CRLF3: variants seen among roughly 807,000 people sequenced by gnomAD.
The protein encoded by CRLF3 is cytokine receptor-like factor 3.
Under a neutral mutation model 55.0 loss-of-function variants are expected in CRLF3, and 33 were observed. The ratio of observed to expected loss-of-function variants is 0.60; its 90% CI spans 0.46 to 0.80. The LOEUF (loss-of-function observed/expected upper bound fraction) is 0.80. Among genes scored for constraint, CRLF3 ranks in the 30% least tolerant of loss-of-function variants. CRLF3 has a pLI of 0.00. For synonymous variants in CRLF3, 238 were observed against 196.8 expected (o/e 1.21, Z -1.75); for missense variants, 494 against 538.4 (o/e 0.92, Z 0.82).
chr17:30,797,482 T>G, intron 2 of CRLF3, 84 bp from the exon 3 acceptor site: 4 of 1,111,976 alleles, frequency 3.6e-6, no homozygotes, highest in Non-Finnish European at 5.4e-6. Flanking sequence ...GGTGGGTCTC[T>G]AGCGTTCTTG....
chr17:30,802,703 G>T (rs549060315), intron 2 of CRLF3, among the ~76,000 whole-genome samples: 2 of 151,932 alleles, frequency 1.3e-5, no homozygotes, highest in African/African-American at 4.8e-5. Context: ...GATTACAGGC[G>T]TGAGCCACCA....
At chr17:30,805,643 G>A (rs545630323) in intron 1 of CRLF3, among the ~76,000 whole-genome samples, 83 of 151,732 alleles carry the variant, frequency 5.5e-4, no homozygotes, top group African/African-American at 1.8e-3. Flanking sequence ...GAACCCGGGA[G>A]GCGAAGGTTC....
Position 30,786,022 on chromosome 17 carries a change from A to G in CRLF3, c.969T>C (p.Thr323=). Residue 323 remains threonine (T), a synonymous_variant, in exon 7 of 8, where the codon ACT becomes ACC. Transcript: ENST00000324238. ...CGQTLTFRVE[T]VGQPDRRDSI... Reference sequence around the variant, plus strand: ...TATCTCTTCTGTCTGGCTGTCCCACAGTTTCAACTCTGTAAATGAAGTAGA... The same window carrying G: ...TATCTCTTCTGTCTGGCTGTCCCACGGTTTCAACTCTGTAAATGAAGTAGA... 4.4e-6 allele frequency: 7 copies of G among 1,588,902 alleles called. No homozygotes were observed. The highest frequency in any genetic ancestry group is 6.0e-6 in the Non-Finnish European group (7 of 1,158,204).
At chr17:30,807,781 C>T (rs970832461) in intron 1 of CRLF3, among the ~76,000 whole-genome samples, 1 of 152,086 alleles carries the variant, frequency 6.6e-6, no homozygotes, top group South Asian at 2.1e-4. Flanking sequence ...ACCTTAGCCT[C>T]CCAAAGTGCT....
intron 2 of CRLF3, chr17:30,801,315 T>TG (rs936716354): frequency 1.3e-5 from 2 of 151,194 alleles, no homozygotes; most frequent in African/African-American, 2.4e-5. Flanking sequence ...TTTTTTGAGA[T>TG]GGGGTCTCAT....
At chr17:30,787,846 C>A (rs139291494) in intron 6 of CRLF3, 1 of 151,910 alleles carries the variant, frequency 6.6e-6, no homozygotes, top group African/African-American at 2.4e-5. Context: ...ACAAAAAATA[C>A]AAAAATTAGC....
intron 1 of CRLF3, among the ~76,000 whole-genome samples, chr17:30,810,715 C>T (rs1904586327): frequency 6.6e-6 from 1 of 152,122 alleles, no homozygotes; most frequent in South Asian, 2.1e-4. Flanking sequence ...AATACTAAGC[C>T]ACCCAAAAGC....
chr17:30,812,108 TAA>T (rs1022819445), intron 1 of CRLF3, among the ~76,000 whole-genome samples: 1 of 146,450 alleles, frequency 6.8e-6, no homozygotes. Flanking sequence ...AGACTCCGTC[TAA>T]AAAAAAAATA....
At chr17:30,799,537 T>C (rs1971973191) in intron 2 of CRLF3, among the ~76,000 whole-genome samples, 1 of 151,952 alleles carries the variant, frequency 6.6e-6, no homozygotes, top group Non-Finnish European at 1.5e-5. Context: ...ATTTATCTTT[T>C]TTTTTTTTTG....
chr17:30,787,825 A>ACC (rs1971683674), intron 6 of CRLF3: 1 of 151,710 alleles, frequency 6.6e-6, no homozygotes, highest in Non-Finnish European at 1.5e-5. Flanking sequence ...ACATGGTGAA[A>ACC]CCCCGTATCT....
At chr17:30,785,826 C>T (rs1382461278) in intron 7 of CRLF3, 93 bp downstream of exon 7, 5 of 625,322 alleles carry the variant, frequency 8.0e-6, no homozygotes, top group Non-Finnish European at 1.4e-5. Context: ...ATTTTCTCAT[C>T]TCCTACTATA....
At chr17:30,822,509 G>A (rs531186384) in intron 1 of CRLF3, among the ~76,000 whole-genome samples, 1 of 152,298 alleles carries the variant, frequency 6.6e-6, no homozygotes. Context: ...AATTGTGATC[G>A]ATGTTCATTT....
intron 1 of CRLF3, among the ~76,000 whole-genome samples, chr17:30,808,275 A>ATTTTTT (rs1465392242): frequency 9.7e-6 from 1 of 103,432 alleles, no homozygotes; most frequent in African/African-American, 3.8e-5. Flanking sequence ...CCTAGAACCT[A>ATTTTTT]TATTTTTTTT....
intron 1 of CRLF3, among the ~76,000 whole-genome samples, chr17:30,809,228 T>A (rs1021140343): frequency 6.6e-6 from 1 of 152,182 alleles, no homozygotes; most frequent in African/African-American, 2.4e-5. Context: ...AAAATGAGAC[T>A]CAATTTCCAA....
intron 6 of CRLF3, among the ~76,000 whole-genome samples, chr17:30,788,387 C>T (rs888497351): frequency 7.6e-5 from 11 of 144,910 alleles, no homozygotes; most frequent in Non-Finnish European, 1.7e-4. Flanking sequence ...ATCAGAAAAT[C>T]TTAGAAGCAA....
intron 1 of CRLF3, among the ~76,000 whole-genome samples, chr17:30,818,547 G>C (rs982922341): frequency 2.0e-5 from 3 of 148,692 alleles, no homozygotes; most frequent in Non-Finnish European, 3.0e-5. Context: ...TCCGTCTCCT[G>C]GGTTCAAGCA....
At chr17:30,812,121 A>G (rs1748497092) in intron 1 of CRLF3, among the ~76,000 whole-genome samples, 1 of 152,120 alleles carries the variant, frequency 6.6e-6, no homozygotes, top group Non-Finnish European at 1.5e-5. Context: ...AAAAAAAATA[A>G]AAATAAAAAT....
intron 1 of CRLF3, among the ~76,000 whole-genome samples, chr17:30,816,065 C>T (rs955023190): frequency 6.7e-6 from 1 of 149,968 alleles, no homozygotes; most frequent in Non-Finnish European, 1.5e-5. Flanking sequence ...GGGCAGATCA[C>T]GAGGTCAGGA....
chr17:30,797,454 C>G (rs955636374), intron 2 of CRLF3, 56 bp from the exon 3 acceptor site: 1 of 1,379,782 alleles, frequency 7.2e-7, no homozygotes. Context: ...ATAAAGTAAT[C>G]AACACAACTC....
Sources: allele counts gnomAD v4.1 joint callset (sites outside exome capture counted in the v4.1 genomes callset), GRCh38; gene constraint gnomAD v4.1.1; transcripts MANE v1.5; gene names NCBI Gene and HGNC (gene_info 2026-07-23, HGNC 2026-07-21).